C1QTNF3: variants seen among roughly 807,000 people sequenced by gnomAD.
The protein encoded by C1QTNF3 is C1q and TNF related 3.
A neutral mutation model predicts 32.6 loss-of-function variants in C1QTNF3; 26 were observed. That is an observed-to-expected ratio of 0.80 (90% confidence interval 0.58 to 1.11). The LOEUF is 1.11. Ranked by LOEUF, C1QTNF3 falls within the 50% of genes least tolerant of loss-of-function variation. The probability of loss-of-function intolerance (pLI) is 0.00; values close to 1 mark genes in which losing one functional copy is unlikely to be tolerated. For synonymous variants in C1QTNF3, 155 were observed against 146.0 expected, an observed-to-expected ratio of 1.06 and a Z score of -0.44; for missense variants, 362 against 398.2, an observed-to-expected ratio of 0.91 and a Z score of 0.77.
chr5:34,126,145 T>C, the C1QTNF3 span, among the ~76,000 whole-genome samples: 14 of 152,242 alleles, frequency 9.2e-5, no homozygotes, highest in African/African-American at 3.4e-4. Context: ...CTATAATATC[T>C]CATACTTAGA....
At chr5:34,083,377 G>T in the C1QTNF3 span, among the ~76,000 whole-genome samples, 1 of 151,570 alleles carries the variant, frequency 6.6e-6, no homozygotes, top group African/African-American at 2.4e-5. Flanking sequence ...AAATCTTCAA[G>T]TACAGTAAGA....
At chr5:34,156,243 G>T in the C1QTNF3 span, among the ~76,000 whole-genome samples, 1 of 152,018 alleles carries the variant, frequency 6.6e-6, no homozygotes, top group Non-Finnish European at 1.5e-5. Flanking sequence ...GGTAATTTGT[G>T]TAATTTTAGT....
intron 5 of C1QTNF3, among the ~76,000 whole-genome samples, chr5:34,023,375 C>T (rs567010818): frequency 2.0e-5 from 3 of 152,224 alleles, no homozygotes; most frequent in Non-Finnish European, 4.4e-5. Context: ...AACTCATCTT[C>T]CTGTCTTTTG....
the C1QTNF3 span, among the ~76,000 whole-genome samples, chr5:34,062,038 G>A: frequency 5.9e-5 from 9 of 152,298 alleles, no homozygotes; most frequent in Non-Finnish European, 8.8e-5. Context: ...CCTATTGAAT[G>A]CTTTGCTGTT....
At chr5:34,197,073 C>G in the C1QTNF3 span, among the ~76,000 whole-genome samples, 1 of 152,300 alleles carries the variant, frequency 6.6e-6, no homozygotes, top group Non-Finnish European at 1.5e-5. Flanking sequence ...TTTGGAAAAA[C>G]AGAAGACTCT....
In C1QTNF3 at chr5:34,037,661, G is replaced by A. The variant is rs191164404; in HGVS notation, c.304-1903C>T. On this transcript the variant is annotated intron_variant, in intron 1 of 5. Coordinates refer to ENST00000382065, the MANE Select transcript of C1QTNF3 (RefSeq NM_181435.6). ...CCTAGTCTTGTCTTCAGTCTACCAG[G>A]CTCAAACCTGGACAAGAACTAGAGT... 2.6e-5 allele frequency among the ~76,000 whole-genome samples: 4 copies of A among 152,272 alleles called. No individual in the cohort carries two copies. The East Asian group carries it at 7.7e-4, about 29-fold the overall frequency.
At chr5:34,213,955 G>A in the C1QTNF3 span, among the ~76,000 whole-genome samples, 1 of 147,866 alleles carries the variant, frequency 6.8e-6, no homozygotes. Flanking sequence ...GGAATTACAG[G>A]GGCCAACCAC....
the C1QTNF3 span, among the ~76,000 whole-genome samples, chr5:34,123,074 G>A: frequency 2.0e-5 from 3 of 151,956 alleles, no homozygotes; most frequent in African/African-American, 7.3e-5. Flanking sequence ...GGAAAGCAGA[G>A]GGGATGTGAC....
At chr5:34,027,827 A>C (rs1208745210) in intron 4 of C1QTNF3, among the ~76,000 whole-genome samples, 1 of 151,974 alleles carries the variant, frequency 6.6e-6, no homozygotes, top group Non-Finnish European at 1.5e-5. Flanking sequence ...ATTCAGCTAC[A>C]AGAAAGAAGA....
chr5:34,073,183 C>T, the C1QTNF3 span, among the ~76,000 whole-genome samples: 3 of 151,932 alleles, frequency 2.0e-5, no homozygotes, highest in East Asian at 5.8e-4. Flanking sequence ...AAACATTAGC[C>T]GGGTGTGGTG....
the C1QTNF3 span, among the ~76,000 whole-genome samples, chr5:34,224,890 C>T: frequency 0.034 from 5,160 of 152,060 alleles, 116 homozygotes; most frequent in Non-Finnish European, 0.053. Context: ...AGAAAATTTT[C>T]GCAATCTACT....
the C1QTNF3 span, among the ~76,000 whole-genome samples, chr5:34,146,393 A>G: frequency 1.3e-5 from 2 of 152,230 alleles, no homozygotes; most frequent in African/African-American, 4.8e-5. Flanking sequence ...ATCCAGGGAC[A>G]TTGTACTACC....
At chr5:34,068,004 T>C in the C1QTNF3 span, among the ~76,000 whole-genome samples, 8 of 152,160 alleles carry the variant, frequency 5.3e-5, no homozygotes, top group African/African-American at 1.4e-4. Flanking sequence ...TATTTTTTCC[T>C]TTTTTTAATG....
chr5:34,153,867 A>C, the C1QTNF3 span, among the ~76,000 whole-genome samples: 56 of 149,682 alleles, frequency 3.7e-4, no homozygotes, highest in East Asian at 2.7e-3. Context: ...AAAAAAAAAA[A>C]AAAAAAAACA....
the C1QTNF3 span, among the ~76,000 whole-genome samples, chr5:34,114,526 A>T: frequency 6.6e-6 from 1 of 152,152 alleles, no homozygotes; most frequent in Admixed American, 6.5e-5. Flanking sequence ...TCTGGGACTT[A>T]TATTTTCCTG....
the C1QTNF3 span, among the ~76,000 whole-genome samples, chr5:34,212,290 C>T: frequency 1.3e-5 from 2 of 152,102 alleles, no homozygotes; most frequent in African/African-American, 4.8e-5. Flanking sequence ...AGACCTAAAA[C>T]CCTAAAAACC....
At chr5:34,204,477 A>C in the C1QTNF3 span, among the ~76,000 whole-genome samples, 1 of 152,220 alleles carries the variant, frequency 6.6e-6, no homozygotes, top group Non-Finnish European at 1.5e-5. Context: ...TTTTAAGTGA[A>C]ACAAATCAGA....
At chr5:34,110,644 C>G in the C1QTNF3 span, among the ~76,000 whole-genome samples, 1 of 152,158 alleles carries the variant, frequency 6.6e-6, no homozygotes, top group African/African-American at 2.4e-5. Flanking sequence ...ACAAAAATTG[C>G]AGAGACTCTC....
At chr5:34,177,494 T>TA in the C1QTNF3 span, among the ~76,000 whole-genome samples, 11 of 146,594 alleles carry the variant, frequency 7.5e-5, no homozygotes, top group African/African-American at 2.5e-4. Context: ...TTTTTTTTTT[T>TA]TTTTTTTTTT....
Sources: allele counts gnomAD v4.1 joint callset (sites outside exome capture counted in the v4.1 genomes callset), GRCh38; gene constraint gnomAD v4.1.1; transcripts MANE v1.5; gene names NCBI Gene and HGNC (gene_info 2026-07-23, HGNC 2026-07-21).